Variants in POLR3F observed in about 807,000 individuals in gnomAD.
POLR3F encodes RNA polymerase III subunit F, also known as DNA-directed RNA polymerase III subunit RPC6.
Under a neutral mutation model 43.6 loss-of-function variants are expected in POLR3F, and 31 were observed. The ratio of observed to expected loss-of-function variants is 0.71; its 90% CI spans 0.53 to 0.96. POLR3F has a LOEUF of 0.96. Ranked by LOEUF, POLR3F falls within the 40% of genes least tolerant of loss-of-function variation. POLR3F has a pLI of 0.00. For synonymous variants in POLR3F, 114 were observed against 132.5 expected (o/e 0.86, Z 0.96); for missense variants, 316 against 391.7 (o/e 0.81, Z 1.63).
chr20:18,480,212 A>G, intron 6 of POLR3F, 31 bp downstream of exon 6: 1 of 1,574,698 alleles, frequency 6.4e-7, no homozygotes, highest in Non-Finnish European at 8.7e-7. Context: ...CATCACTGCA[A>G]ACCCTCTTGT....
At chr20:18,469,095 G>A in intron 2 of POLR3F, 34 bp downstream of exon 2, 2 of 905,258 alleles carry the variant, frequency 2.2e-6, no homozygotes, top group South Asian at 2.6e-5. Context: ...CATAATTACT[G>A]ATATGCTGAT....
intron 4 of POLR3F, among the ~76,000 whole-genome samples, chr20:18,474,299 A>G (rs2059768888): frequency 1.3e-5 from 2 of 152,038 alleles, no homozygotes; most frequent in South Asian, 4.1e-4. Context: ...CACAAATACA[A>G]TGTTGTATAA....
At chr20:18,475,812 G>A (rs1260098218) in intron 5 of POLR3F, among the ~76,000 whole-genome samples, 2 of 152,148 alleles carry the variant, frequency 1.3e-5, no homozygotes, top group East Asian at 1.9e-4. Flanking sequence ...GCAGTGAGTA[G>A]ACCTTTCCTC....
chr20:18,480,338 TA>T (rs1183121356), intron 6 of POLR3F, 63 bp from the exon 7 acceptor site: 1 of 1,298,688 alleles, frequency 7.7e-7, no homozygotes, highest in Non-Finnish European at 1.1e-6. Flanking sequence ...TGACTCAGTA[TA>T]AAGTGTATTC....
chr20:18,479,676 A>G (rs2059799503), intron 5 of POLR3F, among the ~76,000 whole-genome samples: 1 of 152,204 alleles, frequency 6.6e-6, no homozygotes, highest in Admixed American at 6.5e-5. Flanking sequence ...GTCCATAGTG[A>G]TAGAAATACG....
chr20:18,472,157 T>A (rs1307491383), intron 2 of POLR3F, among the ~76,000 whole-genome samples: 1 of 152,234 alleles, frequency 6.6e-6, no homozygotes, highest in Non-Finnish European at 1.5e-5. Context: ...AAAACAATAC[T>A]ACTCTAGTCC....
Position 18,480,143 on chromosome 20 carries a change from G to A in POLR3F, c.535G>A (p.Val179Met). 1 of 1,612,652 alleles carries A rather than the reference G, an allele frequency of 6.2e-7. No individual in the cohort carries two copies. Among genetic ancestry groups the A allele is most frequent in the Non-Finnish European group, 8.5e-7 (1 of 1,178,810 alleles). Residue 179 changes from valine (V) to methionine (M), a missense_variant, in exon 6 of 9, where the codon GTG becomes ATG. Coordinates refer to ENST00000377603, the MANE Select transcript of POLR3F (RefSeq NM_006466.4). ...GGATTTTGAATCTGAATTTGTAGAG[G>A]TGCTTAACCAACAGTGTTTTAAATT... ...DQDFESEFVE[V>M]LNQQCFKFLQ...
At chr20:18,472,218 T>C (rs901770315) in intron 2 of POLR3F, among the ~76,000 whole-genome samples, 1 of 152,018 alleles carries the variant, frequency 6.6e-6, no homozygotes, top group Non-Finnish European at 1.5e-5. Flanking sequence ...TTTTTTTGTT[T>C]TTTGTTTTGT....
At chr20:18,479,238 G>C (rs914640444) in intron 5 of POLR3F, among the ~76,000 whole-genome samples, 1 of 152,196 alleles carries the variant, frequency 6.6e-6, no homozygotes, top group African/African-American at 2.4e-5. Flanking sequence ...GCTCATGCCT[G>C]TAATCCCAGC....
chr20:18,481,479 T>C (rs2059809026), intron 7 of POLR3F, 140 bp from the exon 8 acceptor site: 4 of 617,034 alleles, frequency 6.5e-6, no homozygotes, highest in South Asian at 3.8e-5. Context: ...CCTCAAGTGA[T>C]CCACCTGCCT....
At chr20:18,469,963 A>G (rs113304405) in intron 2 of POLR3F, among the ~76,000 whole-genome samples, 3 of 152,318 alleles carry the variant, frequency 2.0e-5, no homozygotes, top group African/African-American at 7.2e-5. Flanking sequence ...GTCCAGTTGA[A>G]TGAAGAATGT....
At chr20:18,481,983 C>T (rs992513165) in intron 8 of POLR3F, among the ~76,000 whole-genome samples, 173 bp downstream of exon 8, 1 of 74,328 alleles carries the variant, frequency 1.3e-5, no homozygotes, top group African/African-American at 5.2e-5. Context: ...CATTCCTTTA[C>T]TTTTTTTTTT....
At chr20:18,476,365 TTATG>T (rs1389943777) in intron 5 of POLR3F, among the ~76,000 whole-genome samples, 1 of 152,254 alleles carries the variant, frequency 6.6e-6, no homozygotes, top group Non-Finnish European at 1.5e-5. Context: ...ATGTAGTCTT[TTATG>T]TATGACTACT....
intron 5 of POLR3F, among the ~76,000 whole-genome samples, chr20:18,477,531 A>T (rs923563149): frequency 2.0e-5 from 3 of 152,270 alleles, no homozygotes; most frequent in Admixed American, 2.0e-4. Flanking sequence ...AGCTTTATTC[A>T]TAATCAAAAA....
At chr20:18,471,291 T>C (rs2059748806) in intron 2 of POLR3F, among the ~76,000 whole-genome samples, 1 of 152,214 alleles carries the variant, frequency 6.6e-6, no homozygotes, top group African/African-American at 2.4e-5. Context: ...AAGGTTCTTC[T>C]TATTCTTTAC....
chr20:18,481,806 G>T lies in POLR3F; in HGVS notation c.869G>T (p.Cys290Phe). Residue 290 changes from cysteine to phenylalanine, a missense_variant, in exon 8 of 9, where the codon TGC becomes TTC. Physicochemically the swap from Cys to Phe is radical, Grantham distance 205. This residue lies in a region of POLR3F where 85 missense variants were observed against 80.2 expected (regional missense o/e 1.06). Coordinates refer to ENST00000377603, the MANE Select transcript of POLR3F (RefSeq NM_006466.4). ...TGLVRAPCGL[C>F]PVFDDCHEGG... ...TTGGTCCGGGCACCCTGTGGACTCT[G>T]CCCGGTGAGTTAAAGTGGCTTCACT... The T allele has an allele frequency of 1.2e-6, 2 of 1,607,364 alleles. No individual in the cohort carries two copies. The highest frequency in any genetic ancestry group is 1.7e-6 in the Non-Finnish European group (2 of 1,174,682).
At chr20:18,473,320 T>G in intron 3 of POLR3F, 71 bp from the exon 4 acceptor site, 1 of 680,808 alleles carries the variant, frequency 1.5e-6, no homozygotes, top group Non-Finnish European at 2.7e-6. Flanking sequence ...TAATTTTGTT[T>G]AAGTAGTGAT....
rs1053945135 is a variant in POLR3F, at chr20:18,483,734, A to G, written c.*176A>G. 4.6e-6 allele frequency: 2 copies of G among 430,808 alleles called. No homozygotes were observed. Among genetic ancestry groups the G allele is most frequent in the Non-Finnish European group, 8.1e-6 (2 of 246,314 alleles). 26.7% of individuals were successfully genotyped at this position (430,808 alleles called of 1,614,324 possible). On this transcript the variant is annotated 3_prime_UTR_variant, in exon 9 of 9. Transcript: ENST00000377603. Reference sequence around the variant, plus strand: ...TATGAAGACTAAATTTATATTGGTAAAATAGCCAGTAGAATATGAAAGAAA... The same window carrying G: ...TATGAAGACTAAATTTATATTGGTAGAATAGCCAGTAGAATATGAAAGAAA...
Position 18,469,956 on chromosome 20 carries a change from C to T in POLR3F, c.180+895C>T, listed in dbSNP as rs16979229. On this transcript the variant is annotated intron_variant, in intron 2 of 8. Transcript: ENST00000377603. ...GCATTTCAGGAAGCAAGAATGAGTC[C>T]AGTTGAATGAAGAATGTTGGGCTTT... 2.6e-3 allele frequency among the ~76,000 whole-genome samples: 391 copies of T among 152,272 alleles called. 7 individuals are homozygous for T. Among genetic ancestry groups the T allele is most frequent in the Admixed American group, 0.022 (330 of 15,284 alleles).
Sources: allele counts gnomAD v4.1 joint callset (sites outside exome capture counted in the v4.1 genomes callset), GRCh38; gene constraint gnomAD v4.1.1; regional missense constraint gnomAD v4.1.1; transcripts MANE v1.5; gene names NCBI Gene and HGNC (gene_info 2026-07-23, HGNC 2026-07-21).